The following LRP5 variants were observed in gnomAD, a reference collection of about 807,000 sequenced individuals.
LRP5 encodes LDL receptor related protein 5.
A neutral mutation model predicts 154.1 loss-of-function variants in LRP5; 62 were observed. The observed-to-expected ratio is 0.40, with a 90% confidence interval of 0.33 to 0.50. The LOEUF is 0.50. Among genes scored for constraint, LRP5 ranks in the 20% least tolerant of loss-of-function variants. The pLI is 0.55. For synonymous variants in LRP5, 966 were observed against 1,011.5 expected (o/e 0.96, Z 0.85); for missense variants, 1,915 against 2,336.7 (o/e 0.82, Z 3.72).
At position 68,386,492 on chromosome 11, in the gene LRP5, C is replaced by T. The variant is rs776512547; in HGVS notation, c.1192C>T (p.Arg398Cys). Residue 398 changes from arginine (R) to cysteine (C), a missense_variant, in exon 6 of 23, where the codon CGC becomes TGC. Coordinates refer to ENST00000294304, the MANE Select transcript of LRP5 (RefSeq NM_002335.4). This position sits in a 1 kb window ranked among gnomAD's most constrained non-coding sequence, Gnocchi z 7.9. ...YWTDDEVRAI[R>C]RAYLDGSGAQ... The stretch of plus-strand genomic sequence containing the variant: ...GACAGATGACGAGGTGCGGGCCATC[C>T]GCAGGGCGTACCTGGACGGGTCTGG... The T allele has an allele frequency of 5.4e-5, 87 of 1,614,000 alleles. No homozygotes were observed. Among genetic ancestry groups the T allele is most frequent in the South Asian group, 1.2e-4 (11 of 91,084 alleles).
chr11:68,321,651 C>T (rs56092126), intron 1 of LRP5, among the ~76,000 whole-genome samples: 3,003 of 152,218 alleles, frequency 0.02, 49 homozygotes, highest in East Asian at 0.084. Flanking sequence ...CAACTCACTC[C>T]GGTGTCTGCT....
chr11:68,446,312 A>G, intron 21 of LRP5, 124 bp from the exon 22 acceptor site: 1 of 748,804 alleles, frequency 1.3e-6, no homozygotes, highest in East Asian at 2.6e-5. Flanking sequence ...GGCCAGAGGA[A>G]GGGGTCCTGG....
chr11:68,363,988 G>A, intron 4 of LRP5, 45 bp downstream of exon 4: 1 of 956,380 alleles, frequency 1.0e-6, no homozygotes, highest in Non-Finnish European at 1.5e-6. Context: ...GGGGGCTGGG[G>A]GGAGCGGGGG....
intron 9 of LRP5, among the ~76,000 whole-genome samples, chr11:68,409,366 C>T (rs2098658121): frequency 1.4e-5 from 2 of 144,604 alleles, no homozygotes; most frequent in South Asian, 4.3e-4. Context: ...ATATAATATA[C>T]ATTTATAAAT....
In LRP5 at chr11:68,365,549, C is replaced by T. The variant is rs201688219; in HGVS notation, c.884-22C>T. 1.1e-3 allele frequency: 1,817 copies of T among 1,613,696 alleles called. 1 individual carries two copies. The highest frequency in any genetic ancestry group is 1.4e-3 in the Non-Finnish European group (1,650 of 1,179,868). On this transcript the variant is annotated intron_variant, in intron 4 of 22. Transcript: ENST00000294304. ...ACGGTCCTCTTCTGGAACCTTCTCT[C>T]ACTCTGTCCTGGTTTTCTCAGTCCA...
chr11:68,396,411 G>C (rs73515046), intron 7 of LRP5, among the ~76,000 whole-genome samples: 3,149 of 152,172 alleles, frequency 0.021, 100 homozygotes, highest in African/African-American at 0.072. Context: ...GTGTGGAGCT[G>C]GGCGCTAGGA....
Position 68,411,420 on chromosome 11 carries a change from C to T in LRP5, c.2319-16C>T, listed in dbSNP as rs376247234. ...GCAGACTCACTGAGCCTGCCCTTCT[C>T]CCTTGTGCCTTCCAGCTACATCTAC... On this transcript the variant is annotated splice_polypyrimidine_tract_variant and intron_variant, in intron 10 of 22. Coordinates refer to ENST00000294304, the MANE Select transcript of LRP5 (RefSeq NM_002335.4). The T allele has an allele frequency of 5.6e-6, 9 of 1,609,032 alleles. No homozygotes were observed. Among genetic ancestry groups the T allele is most frequent in the Non-Finnish European group, 7.6e-6 (9 of 1,179,988 alleles).
At chr11:68,424,996 C>T in intron 14 of LRP5, 106 bp from the exon 15 acceptor site, 1 of 939,416 alleles carries the variant, frequency 1.1e-6, no homozygotes, top group Non-Finnish European at 1.7e-6. Context: ...CTCGGGCAGC[C>T]CTGAGAGGCA....
the LRP5 span, among the ~76,000 whole-genome samples, chr11:68,299,367 G>T: frequency 1.3e-5 from 2 of 152,302 alleles, no homozygotes; most frequent in Admixed American, 6.5e-5. Flanking sequence ...GGGGCCCAGC[G>T]TGCTGAAGGC....
At chr11:68,319,012 G>C (rs1442055424) in intron 1 of LRP5, among the ~76,000 whole-genome samples, 1 of 151,984 alleles carries the variant, frequency 6.6e-6, no homozygotes. Context: ...GAGATTGGGG[G>C]TGCCCCCAGA....
At chr11:68,347,785 C>G (rs2098614374) in intron 1 of LRP5, 62 bp from the exon 2 acceptor site, 1 of 1,591,612 alleles carries the variant, frequency 6.3e-7, no homozygotes, top group African/African-American at 1.3e-5. Flanking sequence ...AGTGCTCCAT[C>G]CCAGGGCTGT....
chr11:68,314,178 GAA>G (rs1272190835), intron 1 of LRP5, among the ~76,000 whole-genome samples: 1 of 152,140 alleles, frequency 6.6e-6, no homozygotes, highest in Non-Finnish European at 1.5e-5. Flanking sequence ...GGGTTTTGGG[GAA>G]ACTGTTTGTT....
rs75377356 is a variant in LRP5 at position 68,447,076 on chromosome 11, C to A, written c.4586+543C>A. ...GGCTGCTCAGCTGGACACCAGCCCC[C>A]CGAGCTGCCCATGTTGGGGTCACAG... On this transcript the variant is annotated intron_variant, in intron 22 of 22. Coordinates refer to ENST00000294304, the MANE Select transcript of LRP5 (RefSeq NM_002335.4). This position sits in a 1 kb window ranked among gnomAD's most constrained non-coding sequence, Gnocchi z 4.3. 72 of 176,600 alleles carry A rather than the reference C, an allele frequency of 4.1e-4. 1 individual carries two copies. Among genetic ancestry groups the A allele is most frequent in the African/African-American group, 1.6e-3 (68 of 42,274 alleles). 10.9% of individuals were successfully genotyped at this position (176,600 alleles called of 1,614,324 possible). A position where few individuals can be genotyped will look rare whatever the true frequency, so the allele number is the denominator to read the frequency against.
At chr11:68,403,272 A>C (rs933634529) in intron 7 of LRP5, among the ~76,000 whole-genome samples, 1 of 149,898 alleles carries the variant, frequency 6.7e-6, no homozygotes, top group Non-Finnish European at 1.5e-5. Flanking sequence ...AACAAACAAA[A>C]AACAAACAAA....
intron 1 of LRP5, among the ~76,000 whole-genome samples, chr11:68,336,315 C>G (rs919317282): frequency 2.2e-4 from 33 of 152,180 alleles, no homozygotes; most frequent in African/African-American, 8.0e-4. Context: ...AATATTTGAA[C>G]GTCAAAATGT....
At chr11:68,354,205 T>C (rs548695851) in intron 2 of LRP5, among the ~76,000 whole-genome samples, 1 of 152,188 alleles carries the variant, frequency 6.6e-6, no homozygotes, top group Non-Finnish European at 1.5e-5. Context: ...GCTCTTTTCT[T>C]CGGAAGTCGA....
intron 1 of LRP5, among the ~76,000 whole-genome samples, chr11:68,324,249 T>C (rs1267441667): frequency 2.0e-5 from 3 of 152,228 alleles, no homozygotes; most frequent in Non-Finnish European, 2.9e-5. Context: ...AGGCCATGGC[T>C]CTGGTAGTGG....
chr11:68,375,084 G>T (rs2098636621), intron 5 of LRP5, among the ~76,000 whole-genome samples: 1 of 152,240 alleles, frequency 6.6e-6, no homozygotes, highest in Non-Finnish European at 1.5e-5. Flanking sequence ...CTTTGCGCTT[G>T]CAGGGTGCGG....
At chr11:68,391,486 A>T (rs2098646307) in intron 7 of LRP5, among the ~76,000 whole-genome samples, 1 of 152,162 alleles carries the variant, frequency 6.6e-6, no homozygotes, top group Non-Finnish European at 1.5e-5. Context: ...CTCCCAGGGG[A>T]GGCCCGAATC....
Sources: allele counts gnomAD v4.1 joint callset (sites outside exome capture counted in the v4.1 genomes callset), GRCh38; gene constraint gnomAD v4.1.1; non-coding constraint Gnocchi (gnomAD v3.1); transcripts MANE v1.5; gene names NCBI Gene and HGNC (gene_info 2026-07-23, HGNC 2026-07-21).